The following COL4A5 variants were observed in gnomAD, a reference collection of about 807,000 sequenced individuals.
COL4A5 encodes the protein collagen alpha-5(IV) chain.
Under a neutral mutation model 130.2 loss-of-function variants are expected in COL4A5, and 26 were observed. That is an observed-to-expected ratio of 0.20 (90% CI 0.15 to 0.28). The LOEUF is 0.28. Among genes scored for constraint, COL4A5 ranks in the 10% least tolerant of loss-of-function variants. The pLI, the probability that COL4A5 is intolerant of heterozygous loss-of-function variation, is 1.00. For synonymous variants in COL4A5, 496 were observed against 439.6 expected (o/e 1.13, Z -1.60); for missense variants, 1,131 against 1,344.3 (o/e 0.84, Z 2.48).
intron 30 of COL4A5, 113 bp from the exon 31 acceptor site, chrX:108,620,146 C>T (rs763912320): frequency 1.6e-6 from 1 of 610,258 alleles, no homozygotes; most frequent in Non-Finnish European, 2.7e-6. Context: ...ATCTCTAACT[C>T]ACTCTTAGGT....
At chrX:108,599,035 G>T (rs746508663) in intron 25 of COL4A5, among the ~76,000 whole-genome samples, 165 bp downstream of exon 25, 2 of 111,656 alleles carry the variant, frequency 1.8e-5, no homozygotes, top group Admixed American at 9.4e-5. Flanking sequence ...TTATAAGGGG[G>T]TTTCTTTTTA....
chrX:108,498,407 G>A (rs1794433846), intron 1 of COL4A5, among the ~76,000 whole-genome samples: 1 of 111,244 alleles, frequency 9.0e-6, no homozygotes, highest in African/African-American at 3.3e-5. Context: ...TTAAAATAAG[G>A]TAGAGTAAAT....
At chrX:108,580,782 ATGTG>A (rs200100909) in intron 15 of COL4A5, 44 bp downstream of exon 15, 2 of 1,096,106 alleles carry the variant, frequency 1.8e-6, no homozygotes, top group African/African-American at 1.9e-5. Context: ...AAAATTCTAA[ATGTG>A]TGTGTGTGTG....
chrX:108,470,299 A>G (rs1478392873), intron 1 of COL4A5, among the ~76,000 whole-genome samples: 2 of 112,073 alleles, frequency 1.8e-5, no homozygotes, highest in African/African-American at 3.2e-5. Context: ...TCTCACCAGC[A>G]TCTGTTTTTT....
chrX:108,662,052 T>A (rs1042421750), intron 37 of COL4A5, among the ~76,000 whole-genome samples: 30 of 103,318 alleles, frequency 2.9e-4, no homozygotes, highest in Non-Finnish European at 5.8e-4. Context: ...TAGGTATATC[T>A]CCTAACGCTA....
chrX:108,666,492 T>G lies in COL4A5; in HGVS notation c.3455-4T>G, dbSNP rs1243756320. The stretch of plus-strand genomic sequence containing the variant: ...GGTGTAACCTGCTGTACTCAATTTT[T>G]TAGGTGGTGGAGGTCATCCTGGGCA... On this transcript the variant is annotated splice_polypyrimidine_tract_variant and splice_region_variant and intron_variant, in intron 38 of 52. Transcript: ENST00000328300. 1 of 1,200,030 alleles carries G rather than the reference T, an allele frequency of 8.3e-7. No individual in the cohort carries two copies. Among genetic ancestry groups the G allele is most frequent in the South Asian group, 1.8e-5 (1 of 55,352 alleles).
At chrX:108,573,527 A>G (rs1250268816) in intron 8 of COL4A5, 47 bp from the exon 9 acceptor site, 1 of 917,498 alleles carries the variant, frequency 1.1e-6, no homozygotes, top group African/African-American at 1.9e-5. Context: ...GCTGGTTTTC[A>G]TGTATAATAA....
At chrX:108,447,605 T>G (rs1300023420) in intron 1 of COL4A5, among the ~76,000 whole-genome samples, 1 of 112,104 alleles carries the variant, frequency 8.9e-6, no homozygotes. Context: ...CAGAATGGTT[T>G]TACCAATTAT....
At chrX:108,636,939 C>CTTTT (rs59497827) in intron 36 of COL4A5, among the ~76,000 whole-genome samples, 5 of 76,378 alleles carry the variant, frequency 6.5e-5, no homozygotes, top group African/African-American at 1.9e-4. Flanking sequence ...AATGTAATGT[C>CTTTT]TTTTTTTTTT....
At chrX:108,450,698 T>C (rs1348632269) in intron 1 of COL4A5, among the ~76,000 whole-genome samples, 2 of 111,344 alleles carry the variant, frequency 1.8e-5, no homozygotes, top group Admixed American at 9.5e-5. Flanking sequence ...TTGGAAGCTC[T>C]GCATAGGTCA....
chrX:108,620,324 C>T lies in COL4A5; in HGVS notation c.2575C>T (p.Pro859Ser). The change falls in exon 31 of 53, where the codon CCA becomes TCA. Residue 859 changes from proline (P) to serine (S), a missense_variant. Coordinates refer to ENST00000328300, the MANE Select transcript of COL4A5 (RefSeq NM_033380.3). ...TCCTGGACTTGATGTTCCAGGACCC[C>T]CAGGTGAAAGAGGCAGTCCAGGGAT... ...GPPGLDVPGP[P>S]GERGSPGIPG... is the part of the protein sequence containing the mutation. 15 of 1,209,418 alleles carry T rather than the reference C, an allele frequency of 1.2e-5. No individual in the cohort carries two copies. Among genetic ancestry groups the T allele is most frequent in the Non-Finnish European group, 1.7e-5 (15 of 893,877 alleles).
intron 9 of COL4A5, among the ~76,000 whole-genome samples, chrX:108,575,429 TTAA>T (rs2066129622): frequency 7.1e-5 from 8 of 112,686 alleles, no homozygotes; most frequent in African/African-American, 2.6e-4. Context: ...TTATAATTAC[TTAA>T]TCCTTTTATC....
At chrX:108,444,312 C>G (rs752878068) in intron 1 of COL4A5, among the ~76,000 whole-genome samples, 3 of 108,993 alleles carry the variant, frequency 2.8e-5, no homozygotes, top group Admixed American at 9.8e-5. Flanking sequence ...CTCTGCCTCC[C>G]GGGTTCACAC....
intron 1 of COL4A5, among the ~76,000 whole-genome samples, chrX:108,479,336 G>A (rs752063893): frequency 2.7e-5 from 3 of 112,384 alleles, no homozygotes; most frequent in East Asian, 5.6e-4. Flanking sequence ...GCTACAGCCC[G>A]TGAATCAGTA....
chrX:108,590,601 T>C (rs1408555881), intron 19 of COL4A5, among the ~76,000 whole-genome samples: 1 of 111,627 alleles, frequency 9.0e-6, no homozygotes, highest in Non-Finnish European at 1.9e-5. Flanking sequence ...GTTTTAAAAA[T>C]GAACAAAGAT....
chrX:108,668,588 T>C, intron 41 of COL4A5, 84 bp downstream of exon 41: 1 of 786,466 alleles, frequency 1.3e-6, no homozygotes, highest in Non-Finnish European at 1.7e-6. Context: ...TCTTTAAGAC[T>C]TTAGAATTTT....
chrX:108,668,189 G>A, intron 40 of COL4A5, 130 bp from the exon 41 acceptor site: 1 of 585,481 alleles, frequency 1.7e-6, no homozygotes, highest in East Asian at 3.5e-5. Context: ...GGTAGATTTG[G>A]GATTTGGTAG....
intron 29 of COL4A5, among the ~76,000 whole-genome samples, chrX:108,607,390 A>G (rs1157350130): frequency 9.3e-6 from 1 of 108,061 alleles, no homozygotes; most frequent in Non-Finnish European, 1.9e-5. Flanking sequence ...TTATAAAAGT[A>G]ACACTGAGAA....
At chrX:108,566,761 T>G (rs1159374957) in intron 4 of COL4A5, among the ~76,000 whole-genome samples, 1 of 110,738 alleles carries the variant, frequency 9.0e-6, no homozygotes, top group Non-Finnish European at 1.9e-5. Context: ...GTGTTAACCA[T>G]GATGGTCTGG....
Sources: gnomAD v4.1 joint callset for allele counts (sites outside exome capture counted in the v4.1 genomes callset) on GRCh38, gnomAD v4.1.1 for gene constraint, MANE v1.5 for transcripts, NCBI Gene and HGNC (gene_info 2026-07-23, HGNC 2026-07-21) for gene names.